The following CEP350 variants were observed in gnomAD, a reference collection of about 807,000 sequenced individuals.
The protein encoded by CEP350 is centrosome-associated protein 350.
CEP350 carries 126 observed loss-of-function variants against 331.8 expected under a neutral mutation model. The observed-to-expected ratio is 0.38, with a 90% CI of 0.33 to 0.44. The LOEUF is 0.44. CEP350 is among the 20% of genes least tolerant of loss of function. CEP350 has a pLI of 1.00. For missense variants in CEP350, 3,406 were observed against 3,634.6 expected (o/e 0.94, Z 1.62); for synonymous variants, 1,200 against 1,259.5 (o/e 0.95, Z 1.00).
chr1:180,053,577 A>G (rs995828377), intron 23 of CEP350, among the ~76,000 whole-genome samples, 173 bp from the exon 24 acceptor site: 1 of 152,240 alleles, frequency 6.6e-6, no homozygotes, highest in Non-Finnish European at 1.5e-5. Flanking sequence ...GGCTGAATAA[A>G]TTAGCAGATG....
intron 37 of CEP350, among the ~76,000 whole-genome samples, chr1:180,107,001 G>C (rs975224814): frequency 7.2e-5 from 11 of 151,784 alleles, no homozygotes; most frequent in Non-Finnish European, 1.5e-4. Context: ...TTCTTTCTTT[G>C]AACATAATTA....
rs1661495633 is a variant in CEP350, at chr1:180,112,199, T to C, written c.*1038T>C. The C allele has an allele frequency of 6.5e-6, 1 of 152,682 alleles. No individual in the cohort carries two copies. The highest frequency in any genetic ancestry group is 2.1e-4 in the South Asian group (1 of 4,838). The allele number at this position is 152,682 out of a possible 1,614,324, so 9.5% of individuals were successfully genotyped here. The stretch of plus-strand genomic sequence containing the variant: ...AAGATAAATTATTAAGTTGAAAATG[T>C]GTGTCCCTATTCAGAAGTGAAAGAT... On this transcript the variant is annotated 3_prime_UTR_variant, in exon 38 of 38. Coordinates refer to ENST00000367607, the MANE Select transcript of CEP350 (RefSeq NM_014810.5).
chr1:179,996,497 C>A, intron 5 of CEP350, 56 bp from the exon 6 acceptor site: 1 of 1,247,038 alleles, frequency 8.0e-7, no homozygotes, highest in Non-Finnish European at 1.1e-6. Context: ...TAGCAATTTT[C>A]AAGTATACAA....
intron 17 of CEP350, among the ~76,000 whole-genome samples, chr1:180,038,078 G>T (rs1447898801): frequency 3.3e-5 from 5 of 152,062 alleles, no homozygotes; most frequent in Non-Finnish European, 1.5e-5. Context: ...CTTCCCAAAG[G>T]CAATTACTGT....
chr1:179,969,081 C>T, intron 1 of CEP350: 1 of 701,176 alleles, frequency 1.4e-6, no homozygotes, highest in Non-Finnish European at 2.6e-6. Context: ...CTGTGTAACA[C>T]AGAGTCTCCT....
At chr1:180,073,639 G>C (rs1181460473) in intron 27 of CEP350, 2 of 231,580 alleles carry the variant, frequency 8.6e-6, no homozygotes, top group Non-Finnish European at 1.4e-5. Flanking sequence ...ATGTCACACA[G>C]AGTGTAATGC....
chr1:180,003,785 G>A (rs953263894), intron 7 of CEP350, among the ~76,000 whole-genome samples: 11 of 152,162 alleles, frequency 7.2e-5, no homozygotes, highest in African/African-American at 2.2e-4. Flanking sequence ...ACTACCTACC[G>A]AATAGTATGA....
chr1:180,066,705 A>T (rs1658566930), intron 27 of CEP350, among the ~76,000 whole-genome samples: 1 of 152,228 alleles, frequency 6.6e-6, no homozygotes, highest in African/African-American at 2.4e-5. Context: ...TTTCCATGGG[A>T]TAGACTGATT....
chr1:179,960,687 G>A (rs544531403), intron 1 of CEP350, among the ~76,000 whole-genome samples: 1 of 151,994 alleles, frequency 6.6e-6, no homozygotes, highest in Non-Finnish European at 1.5e-5. Flanking sequence ...GTAAATGAAG[G>A]TGGTGGTGTC....
intron 30 of CEP350, among the ~76,000 whole-genome samples, chr1:180,083,735 A>G (rs1659699329): frequency 6.6e-6 from 1 of 152,226 alleles, no homozygotes; most frequent in Non-Finnish European, 1.5e-5. Flanking sequence ...TTACCAAGAC[A>G]GCGTATCTCA....
rs1237980690 is a variant in CEP350, at chr1:180,041,267, G to C, written c.4221+19G>C. 1 of 1,528,142 alleles carries C rather than the reference G, an allele frequency of 6.5e-7. No individual in the cohort carries two copies. The highest frequency in any genetic ancestry group is 2.2e-5 in the Admixed American group (1 of 45,608). The allele number at this position is 1,528,142 out of a possible 1,614,324, so 94.7% of individuals were successfully genotyped here. A position where few individuals can be genotyped will look rare whatever the true frequency, so the allele number is the denominator to read the frequency against. ...AGCTCAGGTAACTTATTTTGCAGCA[G>C]GTTCTTGTTTTTTAAACCTAAATTT... On this transcript the variant is annotated intron_variant, in intron 18 of 37. Transcript: ENST00000367607.
intron 32 of CEP350, 30 bp downstream of exon 32, chr1:180,087,747 C>G: frequency 3.5e-6 from 5 of 1,440,028 alleles, no homozygotes; most frequent in Non-Finnish European, 4.6e-6. Context: ...TGTCTGTATT[C>G]TGCCTTGTTT....
At chr1:180,040,753 A>G (rs1558120773) in intron 17 of CEP350, among the ~76,000 whole-genome samples, 1 of 152,086 alleles carries the variant, frequency 6.6e-6, no homozygotes, top group Non-Finnish European at 1.5e-5. Context: ...TGAAACTACT[A>G]CTTCAAAGTC....
chr1:180,053,774 G>A lies in CEP350; in HGVS notation c.5014G>A (p.Gly1672Arg). ...GGAACTGAACATGCCATTCTCAGGAGGACAAGATAGCTTTTCTAAATTTAC... is the reference window on the plus strand; with the variant it reads ...GGAACTGAACATGCCATTCTCAGGAAGACAAGATAGCTTTTCTAAATTTAC... ...AKELNMPFSG[G>R]QDSFSKFTME... Residue 1672 changes from glycine (G) to arginine (R), a missense_variant, in exon 24 of 38, where the codon GGA (glycine) becomes AGA (arginine). This residue lies in a region of CEP350 where 104 missense variants were observed against 143.3 expected (regional missense o/e 0.73). Transcript: ENST00000367607. The A allele has an allele frequency of 6.2e-7, 1 of 1,600,274 alleles. No homozygotes were observed. Among genetic ancestry groups the A allele is most frequent in the Non-Finnish European group, 8.5e-7 (1 of 1,171,070 alleles).
rs190898133 is a variant in CEP350 at position 179,956,578 on chromosome 1, G to A, written c.-14+1436G>A. ...TTTTTCCTTCTGCTTCTGATTGTCAGTCTTTTGCCCATTTTATAACACTTC... is the reference window on the plus strand; with the variant it reads ...TTTTTCCTTCTGCTTCTGATTGTCAATCTTTTGCCCATTTTATAACACTTC... On this transcript the variant is annotated intron_variant, in intron 1 of 37. Transcript: ENST00000367607. Among the ~76,000 whole-genome samples, 145 of 152,252 alleles carry A rather than the reference G, an allele frequency of 9.5e-4. 1 individual carries two copies. Among genetic ancestry groups the A allele is most frequent in the African/African-American group, 3.4e-3 (143 of 41,566 alleles).
At chr1:179,964,900 T>C (rs905899176) in intron 1 of CEP350, among the ~76,000 whole-genome samples, 1 of 152,044 alleles carries the variant, frequency 6.6e-6, no homozygotes, top group African/African-American at 2.4e-5. Flanking sequence ...TCTCAATTAA[T>C]TTAGTTCTGC....
At chr1:180,070,334 G>A (rs957464330) in intron 27 of CEP350, among the ~76,000 whole-genome samples, 11 of 152,078 alleles carry the variant, frequency 7.2e-5, no homozygotes, top group Admixed American at 3.3e-4. Flanking sequence ...ATTATAGAAT[G>A]ATTTTATAAT....
chr1:179,958,444 G>A (rs1377518407), intron 1 of CEP350, among the ~76,000 whole-genome samples: 2 of 152,156 alleles, frequency 1.3e-5, no homozygotes, highest in Admixed American at 1.3e-4. Flanking sequence ...CTAAATGTCT[G>A]TTGGTAGGCT....
At chr1:179,955,264 C>T (rs1003628092) in intron 1 of CEP350, 122 bp downstream of exon 1, 5 of 998,966 alleles carry the variant, frequency 5.0e-6, no homozygotes, top group Middle Eastern at 3.1e-4. Context: ...AGAGTCTTGG[C>T]CCTGCTTGGC....
Sources: gnomAD v4.1 joint callset for allele counts (sites outside exome capture counted in the v4.1 genomes callset) on GRCh38, gnomAD v4.1.1 for gene constraint, gnomAD v4.1.1 regional missense constraint, MANE v1.5 for transcripts, NCBI Gene and HGNC (gene_info 2026-07-23, HGNC 2026-07-21) for gene names.